RUFY3: variants seen among roughly 807,000 people sequenced by gnomAD.
RUFY3 encodes protein RUFY3.
Under a neutral mutation model 84.0 loss-of-function variants are expected in RUFY3, and 34 were observed. The ratio of observed to expected loss-of-function variants is 0.40; its 90% CI spans 0.31 to 0.54. The LOEUF (loss-of-function observed/expected upper bound fraction) is 0.54, where lower values mean the gene tolerates loss of function less well. RUFY3 is among the 20% of genes least tolerant of loss of function. The pLI, the probability that RUFY3 is intolerant of heterozygous loss-of-function variation, is 0.39. For synonymous variants in RUFY3, 242 were observed against 252.9 expected (o/e 0.96, Z 0.41); for missense variants, 507 against 736.8 (o/e 0.69, Z 3.61).
rs1730789354 is a variant in RUFY3 at position 70,791,350 on chromosome 4, A to G, written c.1337+1758A>G. 86 of 1,604,272 alleles carry G rather than the reference A, an allele frequency of 5.4e-5. No homozygotes were observed. In the South Asian group the frequency reaches 8.8e-4, roughly 16 times the overall value. On this transcript the variant is annotated intron_variant, in intron 12 of 17. Transcript: ENST00000381006. ...TCCGATATCACAACTTAATTGTAAA[A>G]GGAAGAAATCTGAAAGTTACTACAT...
intron 1 of RUFY3, among the ~76,000 whole-genome samples, chr4:70,744,241 C>T (rs1156390942): frequency 2.0e-5 from 3 of 151,922 alleles, no homozygotes; most frequent in Admixed American, 6.6e-5. Context: ...CTCTGTTGCC[C>T]AGGCTGGAGT....
chr4:70,749,678 C>A (rs1578073901), intron 1 of RUFY3, among the ~76,000 whole-genome samples: 1 of 142,052 alleles, frequency 7.0e-6, no homozygotes, highest in Non-Finnish European at 1.5e-5. Flanking sequence ...TTTTTTGAGA[C>A]AGGATCTCAC....
rs150942833 is a variant in RUFY3, at chr4:70,766,576, A to G, written c.573-1962A>G. 2.5e-4 allele frequency among the ~76,000 whole-genome samples: 38 copies of G among 152,220 alleles called. No individual in the cohort carries two copies. The East Asian group carries it at 3.3e-3, about 13-fold the overall frequency. On this transcript the variant is annotated intron_variant, in intron 4 of 17. Coordinates refer to ENST00000381006, the MANE Select transcript of RUFY3 (RefSeq NM_001037442.4). ...ATTTTTTTAAAAAATCTAAAAGACT[A>G]TTTTTTAGAGTGGTTTTAAATTTAT...
At chr4:70,721,024 A>C (rs1742217251), upstream of RUFY3, among the ~76,000 whole-genome samples, 1 of 151,856 alleles carries the variant, frequency 6.6e-6, no homozygotes, top group African/African-American at 2.4e-5. Context: ...AACATATTTC[A>C]TGCTTAAGGC....
rs1354418838 is a variant in RUFY3 at position 70,722,433 on chromosome 4, C to G, written c.-141C>G. 1.1e-5 allele frequency: 15 copies of G among 1,319,128 alleles called. No individual in the cohort carries two copies. 81.7% of individuals were successfully genotyped at this position (1,319,128 alleles called of 1,614,324 possible). On this transcript the variant is annotated 5_prime_UTR_variant, in exon 1 of 18. Coordinates refer to ENST00000381006, the MANE Select transcript of RUFY3 (RefSeq NM_001037442.4). ...TTTTTCCTTTTTTTTTTTTTTAAAC[C>G]TCCCCCACCCTTTTCCTGAAAGCTT...
intron 4 of RUFY3, among the ~76,000 whole-genome samples, chr4:70,767,354 C>G (rs1263759044): frequency 6.7e-6 from 1 of 149,650 alleles, no homozygotes; most frequent in African/African-American, 2.5e-5. Context: ...AGGTGATCCA[C>G]CCGCCTTGAC....
chr4:70,727,857 G>A (rs1433194090), intron 1 of RUFY3, among the ~76,000 whole-genome samples: 2 of 151,648 alleles, frequency 1.3e-5, no homozygotes, highest in African/African-American at 2.4e-5. Flanking sequence ...GTCCACATAC[G>A]TGAAGGGCAG....
Position 70,806,813 on chromosome 4 carries a change from T to G in RUFY3, c.*154T>G. On this transcript the variant is annotated 3_prime_UTR_variant, in exon 18 of 18. Transcript: ENST00000381006. ...AGGGAGAAAAGGCAGTGGTTGGGGT[T>G]ACTGGAAATTTTGCTCATTTTCTCT... 3.2e-5 allele frequency: 29 copies of G among 899,482 alleles called. No individual in the cohort carries two copies. The highest frequency in any genetic ancestry group is 4.4e-5 in the Non-Finnish European group (27 of 619,252). The allele number at this position is 899,482 out of a possible 1,614,324, so 55.7% of individuals were successfully genotyped here. A position where few individuals can be genotyped will look rare whatever the true frequency, so the allele number is the denominator to read the frequency against.
intron 12 of RUFY3, chr4:70,791,114 G>A (rs1730741759): frequency 1.6e-6 from 1 of 611,370 alleles, no homozygotes. Flanking sequence ...AGAGAATAAT[G>A]ACTTATCTCT....
intron 4 of RUFY3, among the ~76,000 whole-genome samples, chr4:70,768,128 C>G (rs1288863092): frequency 6.6e-6 from 1 of 152,128 alleles, no homozygotes; most frequent in African/African-American, 2.4e-5. Flanking sequence ...AACCACCATG[C>G]CGAGCTACCA....
intron 7 of RUFY3, among the ~76,000 whole-genome samples, chr4:70,777,393 ATAAT>A (rs1363487140): frequency 6.6e-6 from 1 of 152,218 alleles, no homozygotes; most frequent in Non-Finnish European, 1.5e-5. Context: ...ATTTTGAAGA[ATAAT>A]TAATATATTC....
chr4:70,736,944 A>T (rs562026240), intron 1 of RUFY3, among the ~76,000 whole-genome samples: 1 of 152,356 alleles, frequency 6.6e-6, no homozygotes, highest in Admixed American at 6.5e-5. Flanking sequence ...TTTCTACCCA[A>T]GACAGTTTTA....
chr4:70,721,864 C>T, upstream of RUFY3: 1 of 1,230,310 alleles, frequency 8.1e-7, no homozygotes, highest in Non-Finnish European at 1.0e-6. Flanking sequence ...AGAGAGAAGC[C>T]TAATTGCTCT....
At chr4:70,761,821 A>G (rs1451929859) in intron 1 of RUFY3, among the ~76,000 whole-genome samples, 1 of 152,230 alleles carries the variant, frequency 6.6e-6, no homozygotes, top group Non-Finnish European at 1.5e-5. Flanking sequence ...ATAATAAAAT[A>G]CCATAATGCA....
intron 1 of RUFY3, among the ~76,000 whole-genome samples, chr4:70,759,709 A>G (rs1258827279): frequency 6.6e-6 from 1 of 152,202 alleles, no homozygotes; most frequent in African/African-American, 2.4e-5. Context: ...TGTTAGTAAT[A>G]GCCATTCTGA....
At chr4:70,752,017 G>A (rs1012426369) in intron 1 of RUFY3, among the ~76,000 whole-genome samples, 2 of 152,160 alleles carry the variant, frequency 1.3e-5, no homozygotes, top group Non-Finnish European at 2.9e-5. Flanking sequence ...CTGACCTCAA[G>A]TGATCCACCC....
intron 9 of RUFY3, among the ~76,000 whole-genome samples, chr4:70,783,780 TA>T (rs1729321523): frequency 6.6e-6 from 1 of 152,246 alleles, no homozygotes; most frequent in African/African-American, 2.4e-5. Flanking sequence ...TTTAGGAGGC[TA>T]TTGAAATTGA....
intron 16 of RUFY3, among the ~76,000 whole-genome samples, chr4:70,803,503 G>A (rs1213807487): frequency 6.6e-6 from 1 of 151,388 alleles, no homozygotes; most frequent in African/African-American, 2.4e-5. Context: ...TGCCCAAGCT[G>A]GGGTGCAGTG....
chr4:70,704,773 C>A (rs1013908489), upstream of RUFY3: 1 of 425,512 alleles, frequency 2.4e-6, no homozygotes, highest in Admixed American at 4.8e-5. Context: ...GGGCTGTGGG[C>A]CGAGCGGCGG....
Sources: gnomAD v4.1 joint callset for allele counts (sites outside exome capture counted in the v4.1 genomes callset) on GRCh38, gnomAD v4.1.1 for gene constraint, MANE v1.5 for transcripts, NCBI Gene and HGNC (gene_info 2026-07-23, HGNC 2026-07-21) for gene names.